Variants in ESRRG observed in about 807,000 individuals in gnomAD.
ESRRG encodes the protein estrogen-related receptor gamma.
ESRRG carries 13 observed loss-of-function variants against 44.0 expected under a neutral mutation model. The observed-to-expected ratio is 0.30, with a 90% CI of 0.19 to 0.47. ESRRG has a LOEUF of 0.47. ESRRG is among the 20% of genes least tolerant of loss of function. The pLI, the probability that ESRRG is intolerant of heterozygous loss-of-function variation, is 1.00. For synonymous variants in ESRRG, 215 were observed against 214.6 expected (o/e 1.00, Z -0.02); for missense variants, 395 against 580.6 (o/e 0.68, Z 3.29).
chr1:216,769,583 G>A (rs2093289331), intron 2 of ESRRG, among the ~76,000 whole-genome samples: 1 of 152,090 alleles, frequency 6.6e-6, no homozygotes, highest in Admixed American at 6.6e-5. Flanking sequence ...GCCGTCACAT[G>A]TAAGTTGACC....
chr1:217,109,821 C>T (rs1210404207), intron 1 of ESRRG, among the ~76,000 whole-genome samples: 1 of 152,128 alleles, frequency 6.6e-6, no homozygotes, highest in Non-Finnish European at 1.5e-5. Flanking sequence ...AAGCAAAAAA[C>T]CCTAAGAGGC....
At chr1:216,756,797 A>G (rs2092471146) in intron 2 of ESRRG, among the ~76,000 whole-genome samples, 1 of 152,060 alleles carries the variant, frequency 6.6e-6, no homozygotes, top group South Asian at 2.1e-4. Flanking sequence ...GAAAAGTTGT[A>G]CACTTTAAAT....
intron 2 of ESRRG, among the ~76,000 whole-genome samples, chr1:216,905,863 G>A (rs1433933000): frequency 6.6e-6 from 1 of 152,128 alleles, no homozygotes; most frequent in African/African-American, 2.4e-5. Context: ...TGATTGTCTT[G>A]CCTCAGCCTC....
chr1:216,831,783 G>C (rs2095491510), intron 2 of ESRRG, among the ~76,000 whole-genome samples: 1 of 149,880 alleles, frequency 6.7e-6, no homozygotes, highest in African/African-American at 2.4e-5. Flanking sequence ...ACCTTCTTTG[G>C]TTTTCAAATG....
upstream of ESRRG, among the ~76,000 whole-genome samples, chr1:216,724,223 C>T (rs968803719): frequency 2.6e-5 from 4 of 152,052 alleles, no homozygotes; most frequent in Non-Finnish European, 5.9e-5. Flanking sequence ...ATAGATACAA[C>T]GCATAGCTTT....
chr1:216,658,399 C>A (rs2071199778), intron 2 of ESRRG, among the ~76,000 whole-genome samples: 1 of 152,130 alleles, frequency 6.6e-6, no homozygotes, highest in African/African-American at 2.4e-5. Flanking sequence ...ATCAACTAAA[C>A]ACTAGGCATT....
intron 3 of ESRRG, among the ~76,000 whole-genome samples, chr1:216,600,258 G>A (rs1284460616): frequency 2.0e-5 from 3 of 152,140 alleles, no homozygotes; most frequent in Non-Finnish European, 4.4e-5. Flanking sequence ...ATACTATAAT[G>A]GTAGATACGT....
At chr1:216,889,115 T>C (rs886492100) in intron 2 of ESRRG, among the ~76,000 whole-genome samples, 3 of 152,180 alleles carry the variant, frequency 2.0e-5, no homozygotes, top group African/African-American at 7.2e-5. Context: ...CCCTGAGCCG[T>C]TGTAGTGTTA....
chr1:216,555,428 T>A (rs897864934), intron 5 of ESRRG, among the ~76,000 whole-genome samples: 3 of 152,168 alleles, frequency 2.0e-5, no homozygotes, highest in African/African-American at 7.2e-5. Flanking sequence ...ACGAACTAAT[T>A]TTGATAGGTA....
chr1:216,775,197 A>T (rs546905179), intron 2 of ESRRG, among the ~76,000 whole-genome samples: 1 of 152,014 alleles, frequency 6.6e-6, no homozygotes, highest in East Asian at 1.9e-4. Context: ...CCAGTTTGCC[A>T]TTTGCCTTCT....
chr1:216,543,361 T>C (rs1334039102), intron 5 of ESRRG, among the ~76,000 whole-genome samples: 4 of 152,032 alleles, frequency 2.6e-5, no homozygotes, highest in Non-Finnish European at 4.4e-5. Flanking sequence ...TTTATTCTTT[T>C]GTACAAACAT....
intron 2 of ESRRG, among the ~76,000 whole-genome samples, chr1:216,846,674 C>A (rs2148932168): frequency 6.6e-6 from 1 of 152,174 alleles, no homozygotes; most frequent in Admixed American, 6.6e-5. Context: ...GTAACAGATA[C>A]TGAAATATCT....
chr1:217,134,207 A>T (rs1026476608), intron 1 of ESRRG, among the ~76,000 whole-genome samples: 4 of 151,978 alleles, frequency 2.6e-5, no homozygotes, highest in African/African-American at 9.7e-5. Context: ...TGTGACGGGG[A>T]ACTTCGGGCG....
intron 6 of ESRRG, among the ~76,000 whole-genome samples, chr1:216,516,695 A>T (rs945237204): frequency 1.3e-5 from 2 of 151,484 alleles, no homozygotes; most frequent in Non-Finnish European, 3.0e-5. Context: ...ACGACAAAAA[A>T]AATAGAAGCC....
intron 2 of ESRRG, among the ~76,000 whole-genome samples, chr1:216,731,304 A>G (rs937375060): frequency 6.6e-6 from 1 of 152,230 alleles, no homozygotes; most frequent in Non-Finnish European, 1.5e-5. Flanking sequence ...GAGATGTATG[A>G]CTGGAGCAGC....
rs186062632 is a variant in ESRRG, at chr1:216,872,480, T to C, written c.-14+67102A>G. ...TGTCCCACACATCTTTGAGACTGTT[T>C]ATTTTTTCTCTCAGTCTGGTTTTTC... is the stretch of plus-strand genomic sequence containing the variant. On this transcript the variant is annotated intron_variant, in intron 2 of 7. Transcript: ENST00000359162. 5.3e-5 allele frequency among the ~76,000 whole-genome samples: 8 copies of C among 152,320 alleles called. No homozygotes were observed. The East Asian group carries it at 1.5e-3, about 29-fold the overall frequency.
At chr1:216,648,321 G>A (rs1240879319) in intron 3 of ESRRG, among the ~76,000 whole-genome samples, 2 of 152,140 alleles carry the variant, frequency 1.3e-5, no homozygotes, top group Admixed American at 1.3e-4. Context: ...GGTTGTGGGA[G>A]GTGGGGGGAG....
At chr1:217,054,875 T>G (rs1014311372) in intron 1 of ESRRG, among the ~76,000 whole-genome samples, 15 of 152,166 alleles carry the variant, frequency 9.9e-5, no homozygotes, top group Non-Finnish European at 2.2e-4. Context: ...CCCTGTGAGA[T>G]CTGAAATTAC....
chr1:216,714,803 A>G (rs1472726198), intron 1 of ESRRG, among the ~76,000 whole-genome samples: 1 of 152,214 alleles, frequency 6.6e-6, no homozygotes, highest in Non-Finnish European at 1.5e-5. Context: ...TCTATCTATT[A>G]AAAAATGCTT....
Sources: allele counts gnomAD v4.1 joint callset (sites outside exome capture counted in the v4.1 genomes callset), GRCh38; gene constraint gnomAD v4.1.1; transcripts MANE v1.5; gene names NCBI Gene and HGNC (gene_info 2026-07-23, HGNC 2026-07-21).